Variants in MLIP observed in about 807,000 individuals in gnomAD.
MLIP encodes muscular LMNA-interacting protein.
Under a neutral mutation model 84.8 loss-of-function variants are expected in MLIP, and 79 were observed. That is an observed-to-expected ratio of 0.93 (90% confidence interval 0.78 to 1.12). The LOEUF is 1.12. Ranked by LOEUF, MLIP falls within the 50% of genes most tolerant of loss-of-function variation. The pLI, the probability that MLIP is intolerant of heterozygous loss-of-function variation, is 0.00. For missense variants in MLIP, 1,257 were observed against 1,160.6 expected, an observed-to-expected ratio of 1.08 and a Z score of -1.21; for synonymous variants, 504 against 463.0, an observed-to-expected ratio of 1.09 and a Z score of -1.14.
intron 1 of MLIP, among the ~76,000 whole-genome samples, chr6:54,119,435 T>C (rs1456482222): frequency 6.6e-6 from 1 of 152,200 alleles, no homozygotes; most frequent in Non-Finnish European, 1.5e-5. Context: ...AAGCCAGTTA[T>C]AGAAAGACAA....
intron 1 of MLIP, among the ~76,000 whole-genome samples, chr6:54,084,256 A>G (rs1050684020): frequency 1.3e-5 from 2 of 152,268 alleles, no homozygotes; most frequent in African/African-American, 4.8e-5. Flanking sequence ...CCACATGTGA[A>G]GGTTCATTAC....
At position 54,200,795 on chromosome 6, in the gene MLIP, C is replaced by T. The variant is rs56092182; in HGVS notation, c.2590-1310C>T. Among the ~76,000 whole-genome samples the T allele has an allele frequency of 3.1e-3, 474 of 152,192 alleles. 4 individuals are homozygous for T. Among genetic ancestry groups the T allele is most frequent in the African/African-American group, 0.011 (452 of 41,528 alleles). On this transcript the variant is annotated intron_variant, in intron 10 of 13. Transcript: ENST00000502396. ...GGGGAAGATAGAGACTTGTCTCAAT[C>T]TGTATTTTCCCAGTTGTCATATACA...
intron 12 of MLIP, among the ~76,000 whole-genome samples, chr6:54,249,626 T>C (rs1216349415): frequency 2.0e-5 from 3 of 151,654 alleles, no homozygotes; most frequent in African/African-American, 7.3e-5. Context: ...CAACTAGTGT[T>C]TGGTGCACAA....
chr6:54,198,650 A>G (rs554956253), intron 10 of MLIP, among the ~76,000 whole-genome samples: 1 of 152,298 alleles, frequency 6.6e-6, no homozygotes, highest in East Asian at 1.9e-4. Flanking sequence ...TAGAATTACA[A>G]CCCTTCAACA....
In MLIP at chr6:54,082,251, A is replaced by G. The variant is rs138825758; in HGVS notation, c.64-39196A>G. The stretch of plus-strand genomic sequence containing the variant: ...TTTATCTATTCCTCTGTTGATGGGC[A>G]TTTAGATAATTTTCTTATTTTCCTA... On this transcript the variant is annotated intron_variant, in intron 1 of 12. Coordinates refer to the MLIP transcript ENST00000274897. Among the ~76,000 whole-genome samples, 592 of 152,262 alleles carry G rather than the reference A, an allele frequency of 3.9e-3. 2 individuals are homozygous for G. The highest frequency in any genetic ancestry group is 0.01 in the Middle Eastern group (3 of 294).
chr6:54,032,237 T>A (rs1764181730), intron 1 of MLIP: 1 of 152,182 alleles, frequency 6.6e-6, no homozygotes, highest in Non-Finnish European at 1.5e-5. Flanking sequence ...GTTTTTAGTA[T>A]CTATTAGATA....
rs896828703 is a variant in MLIP, at chr6:54,170,643, AC to A, written c.2544+1073del. Among the ~76,000 whole-genome samples the A allele has an allele frequency of 2.6e-5, 4 of 151,640 alleles. 1 individual carries two copies. ...CTGTCTGATTCTGGGAAAATTACTCACCATTTTACCTTTCTGTGCCTTTGTT... is the reference window on the plus strand; with the variant it reads ...CTGTCTGATTCTGGGAAAATTACTCACATTTTACCTTTCTGTGCCTTTGTT... On this transcript the variant is annotated intron_variant, in intron 9 of 13. Coordinates refer to ENST00000502396, the MANE Select transcript of MLIP (RefSeq NM_001281747.2).
intron 1 of MLIP, among the ~76,000 whole-genome samples, chr6:54,022,789 A>G (rs772207087): frequency 6.6e-6 from 1 of 152,210 alleles, no homozygotes. Context: ...TCATGCATAA[A>G]TTTAATAATT....
chr6:54,130,208 T>C (rs762183965), intron 3 of MLIP, among the ~76,000 whole-genome samples: 3 of 152,122 alleles, frequency 2.0e-5, no homozygotes, highest in Admixed American at 6.6e-5. Context: ...GTGGGTTAAT[T>C]TGTACCATTA....
At chr6:54,098,200 G>T (rs1768362230) in intron 1 of MLIP, among the ~76,000 whole-genome samples, 1 of 145,652 alleles carries the variant, frequency 6.9e-6, no homozygotes, top group Admixed American at 7.1e-5. Flanking sequence ...ATTTTACCCA[G>T]GCTGGAGTGA....
At chr6:54,243,335 C>T (rs1379294395) in intron 12 of MLIP, among the ~76,000 whole-genome samples, 5 of 152,008 alleles carry the variant, frequency 3.3e-5, no homozygotes, top group Admixed American at 6.6e-5. Flanking sequence ...CTTGAGAAAA[C>T]GAAAGCAGGC....
chr6:54,154,346 A>G (rs2150540484), intron 5 of MLIP, among the ~76,000 whole-genome samples: 1 of 152,324 alleles, frequency 6.6e-6, no homozygotes, highest in South Asian at 2.1e-4. Context: ...AGCCTCATCA[A>G]TTCTACTTCC....
intron 1 of MLIP, among the ~76,000 whole-genome samples, chr6:54,120,687 C>T (rs1770375227): frequency 6.6e-6 from 1 of 152,172 alleles, no homozygotes; most frequent in African/African-American, 2.4e-5. Context: ...ATCTCCTTTT[C>T]TCAGCTTGGG....
At chr6:54,031,450 C>A (rs1396220555) in intron 1 of MLIP, 1 of 152,160 alleles carries the variant, frequency 6.6e-6, no homozygotes. Context: ...ACCTTGTAAG[C>A]CTGATACGTG....
At chr6:54,254,417 A>C (rs1243564931) in intron 12 of MLIP, among the ~76,000 whole-genome samples, 1 of 151,718 alleles carries the variant, frequency 6.6e-6, no homozygotes, top group African/African-American at 2.4e-5. Context: ...GAGCCACCAC[A>C]CCCAGTCAGT....
At chr6:54,201,995 A>T in intron 10 of MLIP, 110 bp from the exon 11 acceptor site, 5 of 766,576 alleles carry the variant, frequency 6.5e-6, no homozygotes, top group Non-Finnish European at 9.0e-6. Flanking sequence ...AAATTAAAAA[A>T]ATATAATTTT....
chr6:54,223,556 T>G (rs1222973978), intron 11 of MLIP, among the ~76,000 whole-genome samples: 1 of 152,094 alleles, frequency 6.6e-6, no homozygotes, highest in East Asian at 1.9e-4. Flanking sequence ...AATGGGTAGA[T>G]TTATTTTTGT....
At chr6:54,092,802 C>G (rs1277592844) in intron 1 of MLIP, among the ~76,000 whole-genome samples, 1 of 152,164 alleles carries the variant, frequency 6.6e-6, no homozygotes, top group Non-Finnish European at 1.5e-5. Flanking sequence ...GTCCCATTGA[C>G]TTTCCATCAC....
At chr6:54,227,586 G>C (rs1361447652) in intron 11 of MLIP, among the ~76,000 whole-genome samples, 1 of 152,160 alleles carries the variant, frequency 6.6e-6, no homozygotes, top group Non-Finnish European at 1.5e-5. Flanking sequence ...TGTGCTTCCA[G>C]AGAGAGAGGA....
Sources: gnomAD v4.1 joint callset for allele counts (sites outside exome capture counted in the v4.1 genomes callset) on GRCh38, gnomAD v4.1.1 for gene constraint, MANE v1.5 for transcripts, NCBI Gene and HGNC (gene_info 2026-07-23, HGNC 2026-07-21) for gene names.